Variants in TRIM54 observed in about 807,000 individuals in gnomAD.
TRIM54 encodes tripartite motif-containing protein 54.
TRIM54 carries 40 observed loss-of-function variants against 42.0 expected under a neutral mutation model. The observed-to-expected ratio is 0.95, with a 90% CI of 0.74 to 1.24. The LOEUF is 1.24. Among genes scored for constraint, TRIM54 ranks in the 50% most tolerant of loss-of-function variants. The pLI, the probability that TRIM54 is intolerant of heterozygous loss-of-function variation, is 0.00. For synonymous variants in TRIM54, 199 were observed against 194.9 expected (o/e 1.02, Z -0.17); for missense variants, 485 against 480.3 (o/e 1.01, Z -0.09).
chr2:27,302,386 C>T (rs573706293), intron 3 of TRIM54, among the ~76,000 whole-genome samples: 1 of 151,450 alleles, frequency 6.6e-6, no homozygotes, highest in Admixed American at 6.6e-5. Context: ...GCAGAGCTTG[C>T]AGTGAGCCAA....
intron 3 of TRIM54, among the ~76,000 whole-genome samples, chr2:27,304,136 T>C (rs1204418350): frequency 1.3e-5 from 2 of 151,506 alleles, no homozygotes; most frequent in South Asian, 2.1e-4. Flanking sequence ...CACCTGAGCC[T>C]GGAAGGTCGA....
chr2:27,298,727 A>G lies in TRIM54; in HGVS notation c.329A>G (p.Gln110Arg), dbSNP rs1678940514. The G allele has an allele frequency of 6.2e-7, 1 of 1,613,934 alleles. No individual in the cohort carries two copies. The highest frequency in any genetic ancestry group is 1.1e-5 in the South Asian group (1 of 91,078). The change falls in exon 2 of 9, where the codon CAG (glutamine) becomes CGG (arginine). Residue 110 changes from glutamine (Q) to arginine (R), a missense_variant. Gln to Arg is a conservative substitution (Grantham distance 43, BLOSUM62 1). Coordinates refer to ENST00000380075, the MANE Select transcript of TRIM54 (RefSeq NM_187841.3). ...GAGAACATTATCGACATTTACAAGC[A>G]GGAGTCATCCAGGTGAGCCACCAGA... ...LVENIIDIYK[Q>R]ESSRPLHSKA...
intron 3 of TRIM54, among the ~76,000 whole-genome samples, chr2:27,302,312 G>A (rs141213823): frequency 0.049 from 7,409 of 151,946 alleles, 228 homozygotes; most frequent in African/African-American, 0.082. Context: ...TTAGCCGGGC[G>A]TGGTGGCAGG....
intron 1 of TRIM54, among the ~76,000 whole-genome samples, chr2:27,286,067 A>G (rs1337375914): frequency 6.6e-6 from 1 of 152,218 alleles, no homozygotes; most frequent in Non-Finnish European, 1.5e-5. Flanking sequence ...CATCTCTACA[A>G]AAAAGAAAAT....
chr2:27,294,494 AGTT>A (rs1244867327), intron 1 of TRIM54, among the ~76,000 whole-genome samples: 1 of 152,190 alleles, frequency 6.6e-6, no homozygotes, highest in Non-Finnish European at 1.5e-5. Context: ...AGAGTGCCTA[AGTT>A]CCAGTACTGG....
intron 1 of TRIM54, among the ~76,000 whole-genome samples, chr2:27,283,784 G>GCGCGCGCGCACA (rs367621533): frequency 1.5e-5 from 2 of 132,168 alleles, no homozygotes; most frequent in South Asian, 2.5e-4. Flanking sequence ...ACACACGCGC[G>GCGCGCGCGCACA]CACACACACA....
intron 1 of TRIM54, among the ~76,000 whole-genome samples, chr2:27,291,532 A>G (rs1308540628): frequency 2.6e-5 from 4 of 152,152 alleles, no homozygotes; most frequent in South Asian, 4.1e-4. Flanking sequence ...ACCACCTCCA[A>G]TCTTCATGCT....
intron 1 of TRIM54, among the ~76,000 whole-genome samples, chr2:27,290,198 A>T (rs559404160): frequency 7.2e-5 from 11 of 152,212 alleles, no homozygotes; most frequent in African/African-American, 2.2e-4. Context: ...TCTTAAAAAA[A>T]ATTTTTTTAA....
intron 3 of TRIM54, among the ~76,000 whole-genome samples, chr2:27,303,545 G>C (rs929573585): frequency 1.3e-5 from 2 of 150,006 alleles, no homozygotes; most frequent in African/African-American, 4.9e-5. Flanking sequence ...GAGAGACTCC[G>C]TCTAAAAAAA....
chr2:27,300,452 G>GT (rs954485569), intron 3 of TRIM54, among the ~76,000 whole-genome samples: 28 of 150,558 alleles, frequency 1.9e-4, no homozygotes, highest in African/African-American at 6.9e-4. Context: ...GATTACAGGC[G>GT]TGAGCCCCTG....
At chr2:27,287,817 C>G (rs549324870) in intron 1 of TRIM54, among the ~76,000 whole-genome samples, 1 of 152,278 alleles carries the variant, frequency 6.6e-6, no homozygotes, top group East Asian at 1.9e-4. Context: ...GCGTGAGCCA[C>G]TGCACCTGGC....
chr2:27,283,768 A>ACACACACG (rs1678460010), intron 1 of TRIM54, among the ~76,000 whole-genome samples: 1 of 93,924 alleles, frequency 1.1e-5, no homozygotes, highest in African/African-American at 5.9e-5. Context: ...GCAAAGGCAC[A>ACACACACG]CACACACACA....
In TRIM54 at chr2:27,306,029, T is replaced by G. The variant is rs1387856414; in HGVS notation, c.844-51T>G. On this transcript the variant is annotated intron_variant, in intron 5 of 8. Transcript: ENST00000380075. The surrounding 1 kb of genome is among the most constrained non-coding windows in gnomAD (Gnocchi z 6.1). ...TGTGGTGAGATTCAGAAATGGGACT[T>G]TGCCCAGGTTGGCCCAGTGCTTACT... is the stretch of plus-strand genomic sequence containing the variant. 6.2e-7 allele frequency: 1 copy of G among 1,610,694 alleles called. No individual in the cohort carries two copies. The highest frequency in any genetic ancestry group is 1.1e-5 in the South Asian group (1 of 90,616).
intron 3 of TRIM54, among the ~76,000 whole-genome samples, chr2:27,301,826 C>T (rs1200643958): frequency 6.6e-6 from 1 of 152,114 alleles, no homozygotes; most frequent in African/African-American, 2.4e-5. Context: ...ACGCCCCTGA[C>T]ACCTCAGCCT....
In TRIM54 at chr2:27,282,628, T is replaced by C. The variant is rs1289211295; in HGVS notation, c.-104T>C. 1.6e-6 allele frequency: 2 copies of C among 1,263,994 alleles called. No homozygotes were observed. Among genetic ancestry groups the C allele is most frequent in the African/African-American group, 3.0e-5 (2 of 65,856 alleles). The allele number at this position is 1,263,994 out of a possible 1,614,324, so 78.3% of individuals were successfully genotyped here. On this transcript the variant is annotated 5_prime_UTR_variant, in exon 1 of 9. Transcript: ENST00000380075. ...AGAGAAAGCAGAGCTATTTCAAGAG[T>C]GAGCCACAGAAGGGAATCCAGAGGC...
chr2:27,287,746 C>T (rs1016761932), intron 1 of TRIM54, among the ~76,000 whole-genome samples: 9 of 152,198 alleles, frequency 5.9e-5, no homozygotes, highest in Non-Finnish European at 1.2e-4. Context: ...CCAAGCTGGT[C>T]TCAAACTCCT....
At chr2:27,294,320 T>C (rs916953439) in intron 1 of TRIM54, among the ~76,000 whole-genome samples, 1 of 151,922 alleles carries the variant, frequency 6.6e-6, no homozygotes, top group Non-Finnish European at 1.5e-5. Flanking sequence ...GTGGTTTCAC[T>C]GTACTGCCCA....
rs1196996126 is a variant in TRIM54 at position 27,305,190 on chromosome 2, T to A, written c.609+136T>A. 9 of 739,954 alleles carry A rather than the reference T, an allele frequency of 1.2e-5. No individual in the cohort carries two copies. In the Admixed American group the frequency reaches 1.6e-4, roughly 13 times the overall value. 45.8% of individuals were successfully genotyped at this position (739,954 alleles called of 1,614,324 possible). On this transcript the variant is annotated intron_variant, in intron 4 of 8. Transcript: ENST00000380075. ...CTGGGGTCCTGGGAGTGGTGGGAGG[T>A]GCTTTTGCCAGGCTGCTGGGTGTGC...
intron 1 of TRIM54, among the ~76,000 whole-genome samples, chr2:27,290,335 T>G (rs754134317): frequency 6.6e-6 from 1 of 152,154 alleles, no homozygotes; most frequent in Non-Finnish European, 1.5e-5. Flanking sequence ...CATTAAAGAA[T>G]GAGGTCTAGC....
Sources: allele counts gnomAD v4.1 joint callset (sites outside exome capture counted in the v4.1 genomes callset), GRCh38; gene constraint gnomAD v4.1.1; non-coding constraint Gnocchi (gnomAD v3.1); transcripts MANE v1.5; gene names NCBI Gene and HGNC (gene_info 2026-07-23, HGNC 2026-07-21).